The following CPAMD8 variants were observed in gnomAD, a reference collection of about 807,000 sequenced individuals.
CPAMD8 encodes C3 and PZP-like alpha-2-macroglobulin domain-containing protein 8.
In CPAMD8, 146 loss-of-function variants were observed where a neutral mutation model predicts 224.7. The ratio of observed to expected loss-of-function variants is 0.65; its 90% CI spans 0.57 to 0.75. The LOEUF (loss-of-function observed/expected upper bound fraction) is 0.75, where lower values mean the gene tolerates loss of function less well. Ranked by LOEUF, CPAMD8 falls within the 30% of genes least tolerant of loss-of-function variation. The probability of loss-of-function intolerance (pLI) is 0.00; values close to 1 mark genes in which losing one functional copy is unlikely to be tolerated. For missense variants in CPAMD8, 2,301 were observed against 2,537.5 expected (o/e 0.91, Z 2.00); for synonymous variants, 966 against 1,044.6 (o/e 0.92, Z 1.45).
chr19:16,904,176 A>ACGGGCC, intron 32 of CPAMD8, 50 bp downstream of exon 32: 25 of 937,314 alleles, frequency 2.7e-5, no homozygotes, highest in Non-Finnish European at 3.7e-5. Context: ...GACTGCAGGG[A>ACGGGCC]CCCCACCCAC....
chr19:16,977,027 G>C (rs1313493720), intron 15 of CPAMD8, among the ~76,000 whole-genome samples: 1 of 152,072 alleles, frequency 6.6e-6, no homozygotes, highest in African/African-American at 2.4e-5. Flanking sequence ...GGGTGACAGA[G>C]CTTGACTCCG....
At chr19:16,980,231 T>C (rs137865070) in intron 14 of CPAMD8, among the ~76,000 whole-genome samples, 7 of 152,254 alleles carry the variant, frequency 4.6e-5, no homozygotes, top group Non-Finnish European at 8.8e-5. Flanking sequence ...TGTGGGCCAG[T>C]GCAAGAGCCT....
intron 10 of CPAMD8, among the ~76,000 whole-genome samples, chr19:16,997,841 A>G (rs1285364678): frequency 1.3e-5 from 2 of 151,012 alleles, no homozygotes; most frequent in Admixed American, 1.3e-4. Flanking sequence ...TAAGAAAAAA[A>G]AAAAGAGGAA....
intron 10 of CPAMD8, 59 bp from the exon 11 acceptor site, chr19:16,997,397 G>T: frequency 9.8e-7 from 1 of 1,018,896 alleles, no homozygotes; most frequent in South Asian, 1.4e-5. Context: ...TTTGAGGGAT[G>T]TCCCTGAAAC....
Position 16,907,128 on chromosome 19 carries a change from G to A in CPAMD8, c.3862-11C>T, listed in dbSNP as rs2052550742. 4 of 1,536,146 alleles carry A rather than the reference G, an allele frequency of 2.6e-6. No individual in the cohort carries two copies. In the African/African-American group the frequency reaches 5.5e-5, roughly 21 times the overall value. On this transcript the variant is annotated splice_polypyrimidine_tract_variant and intron_variant, in intron 29 of 41. Coordinates refer to ENST00000443236, the MANE Select transcript of CPAMD8 (RefSeq NM_015692.5). ...GGAGCCTCTCTCCTCCTGCAGGGTG[G>A]GGTGGGAAGGTGAAACCTGGGAGGC...
In CPAMD8 at chr19:16,957,789, G is replaced by A. The variant is rs115705055; in HGVS notation, c.2276+64C>T. 378 of 1,519,388 alleles carry A rather than the reference G, an allele frequency of 2.5e-4. 1 individual carries two copies. The African/African-American group carries it at 4.6e-3, about 19-fold the overall frequency. 94.1% of individuals were successfully genotyped at this position (1,519,388 alleles called of 1,614,324 possible). A position where few individuals can be genotyped will look rare whatever the true frequency, so the allele number is the denominator to read the frequency against. ...CTGCCCATCTCACCGGAGGCTCTCTGGACCCGCATGAGTGTCTTTCACTCA... is the reference window on the plus strand; with the variant it reads ...CTGCCCATCTCACCGGAGGCTCTCTAGACCCGCATGAGTGTCTTTCACTCA... On this transcript the variant is annotated intron_variant, in intron 19 of 41. Coordinates refer to ENST00000443236, the MANE Select transcript of CPAMD8 (RefSeq NM_015692.5).
rs2051996422 is a variant in CPAMD8 at position 16,896,475 on chromosome 19, A to AGGCGCGGGCTCCAGG, written c.5241_5255dup (p.Leu1748_Pro1752dup). On this transcript the variant is annotated inframe_insertion, in exon 40 of 42. Coordinates refer to ENST00000443236, the MANE Select transcript of CPAMD8 (RefSeq NM_015692.5). ...CCTCACCGAGGGCGCAGCAGCTGGG[A>AGGCGCGGGCTCCAGG]GGCGCGGGCTCCAGGGGCGCGGCCT... 6.9e-7 allele frequency: 1 copy of AGGCGCGGGCTCCAGG among 1,442,690 alleles called. No individual in the cohort carries two copies. Among genetic ancestry groups the AGGCGCGGGCTCCAGG allele is most frequent in the Admixed American group, 2.9e-5 (1 of 35,044 alleles). The allele number at this position is 1,442,690 out of a possible 1,614,324, so 89.4% of individuals were successfully genotyped here.
rs561634312 is a variant in CPAMD8 at position 16,967,924 on chromosome 19, C to T, written c.2213+2967G>A. On this transcript the variant is annotated intron_variant, in intron 18 of 41. Coordinates refer to ENST00000443236, the MANE Select transcript of CPAMD8 (RefSeq NM_015692.5). ...GTATATATGTGCATATATACACACACATGTGTGTATATATATACATGTTGC... is the reference window on the plus strand; with the variant it reads ...GTATATATGTGCATATATACACACATATGTGTGTATATATATACATGTTGC... Among the ~76,000 whole-genome samples, 179 of 137,122 alleles carry T rather than the reference C, an allele frequency of 1.3e-3. No individual in the cohort carries two copies. In the Middle Eastern group the frequency reaches 0.019, roughly 14 times the overall value. The allele number at this position is 137,122 out of a possible 152,430, so 90.0% of individuals were successfully genotyped here. A position where few individuals can be genotyped will look rare whatever the true frequency, so the allele number is the denominator to read the frequency against.
chr19:16,903,510 G>A (rs1450073623), intron 34 of CPAMD8, 51 bp downstream of exon 34: 2 of 1,611,240 alleles, frequency 1.2e-6, no homozygotes, highest in East Asian at 4.5e-5. Context: ...TGGAGGGAAT[G>A]GGGCACAGGA....
intron 8 of CPAMD8, among the ~76,000 whole-genome samples, chr19:17,004,054 C>T (rs550744894): frequency 7.9e-5 from 12 of 151,978 alleles, no homozygotes; most frequent in Middle Eastern, 6.8e-3. Flanking sequence ...CACAGGTGCG[C>T]GCCACCACGC....
intron 22 of CPAMD8, among the ~76,000 whole-genome samples, chr19:16,942,435 C>G (rs1257240142): frequency 1.3e-5 from 2 of 152,116 alleles, no homozygotes; most frequent in African/African-American, 4.8e-5. Flanking sequence ...GCACTCCAGC[C>G]TGGGCGACAG....
At chr19:16,910,135 A>G (rs1230000267) in intron 29 of CPAMD8, among the ~76,000 whole-genome samples, 1 of 151,280 alleles carries the variant, frequency 6.6e-6, no homozygotes, top group African/African-American at 2.4e-5. Flanking sequence ...TATAGGCATG[A>G]GCCACTGTGC....
At position 16,896,617 on chromosome 19, in the gene CPAMD8, G is replaced by A. The variant is rs1200974057; in HGVS notation, c.5114C>T (p.Ala1705Val). The A allele has an allele frequency of 1.3e-6, 2 of 1,503,370 alleles. No individual in the cohort carries two copies. Among genetic ancestry groups the A allele is most frequent in the Admixed American group, 2.1e-5 (1 of 48,236 alleles). 93.1% of individuals were successfully genotyped at this position (1,503,370 alleles called of 1,614,324 possible). A position where few individuals can be genotyped will look rare whatever the true frequency, so the allele number is the denominator to read the frequency against. Residue 1705 changes from alanine (A) to valine (V), a missense_variant, in exon 40 of 42, where the codon GCG (alanine) becomes GTG (valine). Physicochemically the swap from Ala to Val is moderately conservative, Grantham distance 64 (BLOSUM62 0). Transcript: ENST00000443236. ...SGPAVAPEEG[A>V]AIARCGCDHD... ...GTCGCAGCCGCATCGCGCGATCGCC[G>A]CCCCCTCCTCAGGGGCCACGGCAGG...
At chr19:16,918,701 CT>C (rs539771863) in intron 27 of CPAMD8, among the ~76,000 whole-genome samples, 63 of 151,320 alleles carry the variant, frequency 4.2e-4, no homozygotes, top group Admixed American at 2.0e-3. Context: ...CCCGATTCAG[CT>C]TCCCCAAAGT....
chr19:16,896,354 G>A, intron 40 of CPAMD8, 28 bp from the exon 41 acceptor site: 1 of 1,568,684 alleles, frequency 6.4e-7, no homozygotes, highest in Non-Finnish European at 8.6e-7. Context: ...TCGGTCGGGA[G>A]GGCGTGGCGG....
chr19:16,970,687 A>G (rs1374130013), intron 18 of CPAMD8, among the ~76,000 whole-genome samples: 2 of 152,146 alleles, frequency 1.3e-5, no homozygotes, highest in Non-Finnish European at 2.9e-5. Context: ...ATGAAGCAGG[A>G]AGTGAGCCCT....
intron 26 of CPAMD8, among the ~76,000 whole-genome samples, chr19:16,922,490 C>G (rs2053214255): frequency 6.6e-6 from 1 of 151,852 alleles, no homozygotes; most frequent in Admixed American, 6.6e-5. Flanking sequence ...GTCCCTGAAA[C>G]TGCCCCACAC....
At chr19:16,999,489 G>A (rs2056240299) in intron 10 of CPAMD8, among the ~76,000 whole-genome samples, 1 of 151,668 alleles carries the variant, frequency 6.6e-6, no homozygotes, top group Non-Finnish European at 1.5e-5. Context: ...GGAGGCTGAG[G>A]CAGGAGAATG....
chr19:17,006,988 C>A (rs1306010986), intron 7 of CPAMD8, among the ~76,000 whole-genome samples: 1 of 152,118 alleles, frequency 6.6e-6, no homozygotes, highest in African/African-American at 2.4e-5. Context: ...AGACAGCAAT[C>A]AAGGGAACGA....
Sources: gnomAD v4.1 joint callset for allele counts (sites outside exome capture counted in the v4.1 genomes callset) on GRCh38, gnomAD v4.1.1 for gene constraint, MANE v1.5 for transcripts, NCBI Gene and HGNC (gene_info 2026-07-23, HGNC 2026-07-21) for gene names.